The following CBFA2T3 variants were observed in gnomAD, a reference collection of about 807,000 sequenced individuals.
CBFA2T3 encodes the protein CBFA2/RUNX1 partner transcriptional co-repressor 3.
CBFA2T3 carries 31 observed loss-of-function variants against 58.6 expected under a neutral mutation model. That is an observed-to-expected ratio of 0.53 (90% CI 0.40 to 0.71). The LOEUF is 0.71. CBFA2T3 is among the 30% of genes least tolerant of loss of function. The pLI is 0.00. For synonymous variants in CBFA2T3, 531 were observed against 421.9 expected (o/e 1.26, Z -3.17); for missense variants, 1,076 against 963.1 (o/e 1.12, Z -1.55).
At chr16:88,950,210 G>A in intron 1 of CBFA2T3, 1 of 444,928 alleles carries the variant, frequency 2.2e-6, no homozygotes, top group Non-Finnish European at 4.5e-6. Flanking sequence ...CCCTCCCCTG[G>A]ACCGGCACCG....
intron 1 of CBFA2T3, among the ~76,000 whole-genome samples, chr16:88,957,109 C>A (rs1293426635): frequency 6.6e-6 from 1 of 152,224 alleles, no homozygotes; most frequent in Non-Finnish European, 1.5e-5. Flanking sequence ...GGCTTCAGGC[C>A]CCAGAGGTTA....
chr16:88,951,410 G>T (rs577514846), intron 1 of CBFA2T3: 36 of 437,394 alleles, frequency 8.2e-5, no homozygotes, highest in African/African-American at 5.9e-4. Context: ...GGTATCATTA[G>T]CTGCGTCTTA....
chr16:88,941,993 G>C (rs1280224937), intron 1 of CBFA2T3: 1 of 151,620 alleles, frequency 6.6e-6, no homozygotes, highest in Admixed American at 6.6e-5. Context: ...GGCCGGCAGG[G>C]GTCGCGCTCC....
At chr16:88,911,892 C>T (rs559834888) in intron 1 of CBFA2T3, among the ~76,000 whole-genome samples, 23 of 152,358 alleles carry the variant, frequency 1.5e-4, no homozygotes, top group Non-Finnish European at 2.2e-4. Context: ...CCTCCTGCCT[C>T]GCAGCTGTGT....
chr16:88,884,819 C>G (rs973303402), intron 7 of CBFA2T3: 2 of 464,722 alleles, frequency 4.3e-6, no homozygotes, highest in East Asian at 3.6e-5. Context: ...GTTCCAGGCC[C>G]GAGGCCGCCC....
intron 1 of CBFA2T3, among the ~76,000 whole-genome samples, chr16:88,942,509 C>T (rs1317471627): frequency 1.3e-5 from 2 of 152,218 alleles, no homozygotes; most frequent in Non-Finnish European, 2.9e-5. Context: ...CGGGCCTTTT[C>T]CCCCCACCCC....
chr16:88,950,049 T>G (rs1252063347), intron 1 of CBFA2T3, among the ~76,000 whole-genome samples: 1 of 152,072 alleles, frequency 6.6e-6, no homozygotes, highest in East Asian at 1.9e-4. Context: ...CCCGCCACTC[T>G]CGAAGTCACA....
At chr16:88,900,831 C>A (rs941570515) in intron 2 of CBFA2T3, among the ~76,000 whole-genome samples, 11 of 152,248 alleles carry the variant, frequency 7.2e-5, no homozygotes, top group African/African-American at 1.2e-4. Context: ...GTTCCCTGCC[C>A]CACAGCCTCC....
chr16:88,956,196 T>C (rs1303208973), intron 1 of CBFA2T3, among the ~76,000 whole-genome samples: 1 of 152,266 alleles, frequency 6.6e-6, no homozygotes, highest in Non-Finnish European at 1.5e-5. Context: ...CCCGAGGCCA[T>C]GTAGAGCCTC....
chr16:88,919,811 T>C (rs1970854276), intron 1 of CBFA2T3, among the ~76,000 whole-genome samples: 1 of 152,236 alleles, frequency 6.6e-6, no homozygotes, highest in Non-Finnish European at 1.5e-5. Flanking sequence ...ACTGTTTCAA[T>C]GCAGGTCTGG....
chr16:88,970,918 C>G (rs1000839851), intron 1 of CBFA2T3, among the ~76,000 whole-genome samples: 12 of 152,064 alleles, frequency 7.9e-5, no homozygotes, highest in African/African-American at 2.9e-4. Flanking sequence ...GAGAGGAACA[C>G]CGAGGGAAGG....
intron 1 of CBFA2T3, among the ~76,000 whole-genome samples, chr16:88,912,191 G>A (rs1480206801): frequency 5.3e-5 from 8 of 152,270 alleles, no homozygotes; most frequent in Non-Finnish European, 7.3e-5. Flanking sequence ...ACCTGGCCTT[G>A]CCTCTTCCTT....
chr16:88,888,647 G>C (rs2142569546), intron 5 of CBFA2T3, among the ~76,000 whole-genome samples: 1 of 145,506 alleles, frequency 6.9e-6, no homozygotes, highest in East Asian at 2.1e-4. Flanking sequence ...GACAGTGACA[G>C]TAGGGCCAGG....
At chr16:88,941,155 A>G (rs1234283797) in intron 1 of CBFA2T3, 2 of 981,842 alleles carry the variant, frequency 2.0e-6, no homozygotes, top group East Asian at 1.1e-4. Context: ...CTGGCGCCGC[A>G]CCGGGCTCAG....
chr16:88,921,137 G>A (rs1365984062), intron 1 of CBFA2T3, among the ~76,000 whole-genome samples: 3 of 152,226 alleles, frequency 2.0e-5, no homozygotes, highest in Non-Finnish European at 4.4e-5. Flanking sequence ...GAGACCAAGT[G>A]ATTTCAATTC....
chr16:88,918,435 G>A (rs1392573750), intron 1 of CBFA2T3, among the ~76,000 whole-genome samples: 3 of 152,208 alleles, frequency 2.0e-5, no homozygotes, highest in African/African-American at 7.2e-5. Context: ...ATCACAACGA[G>A]GTCCCAGCCC....
chr16:88,957,973 T>TG, intron 1 of CBFA2T3, among the ~76,000 whole-genome samples: 1 of 152,338 alleles, frequency 6.6e-6, no homozygotes, highest in South Asian at 2.1e-4. Context: ...GTACTTGAGA[T>TG]GGGTGAGTTG....
chr16:88,889,610 A>T (rs539497242), intron 5 of CBFA2T3, among the ~76,000 whole-genome samples: 1 of 152,096 alleles, frequency 6.6e-6, no homozygotes, highest in Admixed American at 6.5e-5. Flanking sequence ...CCACCTGTTA[A>T]TCAGGAACAT....
chr16:88,884,379 C>T (rs1307852485), intron 7 of CBFA2T3, among the ~76,000 whole-genome samples: 1 of 152,220 alleles, frequency 6.6e-6, no homozygotes, highest in Non-Finnish European at 1.5e-5. Flanking sequence ...CTGACCATCT[C>T]TGGGTTCTCA....
Sources: allele counts gnomAD v4.1 joint callset (sites outside exome capture counted in the v4.1 genomes callset), GRCh38; gene constraint gnomAD v4.1.1; transcripts MANE v1.5; gene names NCBI Gene and HGNC (gene_info 2026-07-23, HGNC 2026-07-21).